Variants in MMS22L observed in about 807,000 individuals in gnomAD.
MMS22L encodes the protein MMS22 like, DNA repair protein.
A neutral mutation model predicts 159.1 loss-of-function variants in MMS22L; 74 were observed. That is an observed-to-expected ratio of 0.47 (90% CI 0.39 to 0.56). MMS22L has a LOEUF of 0.56. Ranked by LOEUF, MMS22L falls within the 20% of genes least tolerant of loss-of-function variation. The pLI, the probability that MMS22L is intolerant of heterozygous loss-of-function variation, is 0.00. For missense variants in MMS22L, 1,351 were observed against 1,422.1 expected (o/e 0.95, Z 0.80); for synonymous variants, 517 against 506.9 (o/e 1.02, Z -0.27).
intron 22 of MMS22L, 101 bp from the exon 23 acceptor site, chr6:97,151,968 T>TA: frequency 2.3e-6 from 2 of 855,732 alleles, no homozygotes; most frequent in African/African-American, 1.7e-5. Context: ...GTTGTTTTCT[T>TA]AAAGTATGTA....
intron 9 of MMS22L, among the ~76,000 whole-genome samples, chr6:97,262,239 T>C (rs1044129665): frequency 6.6e-6 from 1 of 152,158 alleles, no homozygotes; most frequent in African/African-American, 2.4e-5. Context: ...TGAAAATAAA[T>C]TTTTTTACTC....
chr6:97,143,118 T>G lies in MMS22L; in HGVS notation c.*3688A>C, dbSNP rs1440419103. ...ATCATAACCAAATCCAAATGCCTAA[T>G]AAAGTCCTTTCATCACTCTGTTGTC... On this transcript the variant is annotated 3_prime_UTR_variant, in exon 25 of 25. Transcript: ENST00000683635. The G allele has an allele frequency of 6.6e-6, 1 of 152,542 alleles. No individual in the cohort carries two copies. Among genetic ancestry groups the G allele is most frequent in the African/African-American group, 2.4e-5 (1 of 41,468 alleles). The allele number at this position is 152,542 out of a possible 1,614,324, so 9.4% of individuals were successfully genotyped here.
At chr6:97,247,652 A>T (rs1008776419) in intron 10 of MMS22L, among the ~76,000 whole-genome samples, 1 of 152,158 alleles carries the variant, frequency 6.6e-6, no homozygotes, top group Non-Finnish European at 1.5e-5. Flanking sequence ...CAGGAGGTGT[A>T]GGTTGTAGTG....
In MMS22L at chr6:97,229,065, A is replaced by C; in HGVS notation, c.1868T>G (p.Leu623Arg). Reference sequence around the variant, plus strand: ...AACACCATCAATGTATATGGAAAGAAGGGTCCAGATAGTCTGTCTCTGTAC... The same window carrying C: ...AACACCATCAATGTATATGGAAAGACGGGTCCAGATAGTCTGTCTCTGTAC... ...EMVQRQTIWTLLSIYIDGVQE... is the reference protein window; with the variant it reads ...EMVQRQTIWTRLSIYIDGVQE... The change falls in exon 14 of 25, where the codon CTT (leucine) becomes CGT (arginine). Residue 623 changes from leucine to arginine, a missense_variant. Transcript: ENST00000683635. The C allele has an allele frequency of 6.2e-7, 1 of 1,614,206 alleles. No individual in the cohort carries two copies. Among genetic ancestry groups the C allele is most frequent in the Non-Finnish European group, 8.5e-7 (1 of 1,180,024 alleles).
rs376286539 is a variant in MMS22L at position 97,169,359 on chromosome 6, A to G, written c.2840-1119T>C. 5.9e-5 allele frequency among the ~76,000 whole-genome samples: 9 copies of G among 152,150 alleles called. No individual in the cohort carries two copies. In the South Asian group the frequency reaches 1.4e-3, roughly 24 times the overall value. On this transcript the variant is annotated intron_variant, in intron 19 of 24. Transcript: ENST00000683635. Reference sequence around the variant, plus strand: ...ACTATTGAGGTCTCCTTACTGAAAAATGAATTTAAAAACAGATTAAATGCT... The same window carrying G: ...ACTATTGAGGTCTCCTTACTGAAAAGTGAATTTAAAAACAGATTAAATGCT...
At chr6:97,223,980 T>C (rs1809936778) in intron 14 of MMS22L, among the ~76,000 whole-genome samples, 2 of 152,232 alleles carry the variant, frequency 1.3e-5, no homozygotes, top group Non-Finnish European at 1.5e-5. Context: ...CAATATAAGC[T>C]GAACATGATT....
At chr6:97,238,500 G>C (rs1475562159) in intron 11 of MMS22L, among the ~76,000 whole-genome samples, 1 of 151,744 alleles carries the variant, frequency 6.6e-6, no homozygotes, top group Non-Finnish European at 1.5e-5. Flanking sequence ...CCTTAAACCT[G>C]ACTGGCTCAA....
intron 23 of MMS22L, among the ~76,000 whole-genome samples, chr6:97,151,115 C>T (rs1053574072): frequency 6.6e-6 from 1 of 152,144 alleles, no homozygotes; most frequent in African/African-American, 2.4e-5. Context: ...GGTCTGAAGG[C>T]CTGTGTACCT....
chr6:97,200,907 C>T (rs1562451716), intron 14 of MMS22L, among the ~76,000 whole-genome samples: 1 of 152,022 alleles, frequency 6.6e-6, no homozygotes, highest in Non-Finnish European at 1.5e-5. Flanking sequence ...AAGAACAATG[C>T]AAAAGTAGTT....
chr6:97,206,950 C>A (rs537688262), intron 14 of MMS22L, among the ~76,000 whole-genome samples: 1 of 152,076 alleles, frequency 6.6e-6, no homozygotes, highest in Non-Finnish European at 1.5e-5. Context: ...TCTTTCCCAT[C>A]ATTAACTGAA....
chr6:97,199,322 C>T (rs1806881626), intron 14 of MMS22L, among the ~76,000 whole-genome samples: 1 of 152,088 alleles, frequency 6.6e-6, no homozygotes, highest in Admixed American at 6.6e-5. Flanking sequence ...AATAAAGGGT[C>T]TAATGGTAAT....
Position 97,178,429 on chromosome 6 carries a change from TA to T in MMS22L, c.2679+13del. On this transcript the variant is annotated intron_variant, in intron 18 of 24. Coordinates refer to ENST00000683635, the MANE Select transcript of MMS22L (RefSeq NM_001350599.2). Reference sequence around the variant, plus strand: ...TAATTAATCTGGACAATTATACTAATAAATGACAAATACCTCAAAGAATCGA... The same window carrying T: ...TAATTAATCTGGACAATTATACTAATAATGACAAATACCTCAAAGAATCGA... 6.6e-7 allele frequency: 1 copy of T among 1,517,582 alleles called. No individual in the cohort carries two copies. Among genetic ancestry groups the T allele is most frequent in the South Asian group, 1.4e-5 (1 of 72,900 alleles). 94.0% of individuals were successfully genotyped at this position (1,517,582 alleles called of 1,614,324 possible). A position where few individuals can be genotyped will look rare whatever the true frequency, so the allele number is the denominator to read the frequency against.
chr6:97,153,084 C>T (rs1415186040), intron 22 of MMS22L, among the ~76,000 whole-genome samples: 1 of 151,730 alleles, frequency 6.6e-6, no homozygotes, highest in African/African-American at 2.4e-5. Flanking sequence ...TCAAGTGATC[C>T]TCCCACCTTG....
At position 97,168,112 on chromosome 6, in the gene MMS22L, T is replaced by C. The variant is rs781024876; in HGVS notation, c.2968A>G (p.Met990Val). 13 of 1,612,688 alleles carry C rather than the reference T, an allele frequency of 8.1e-6. No individual in the cohort carries two copies. The highest frequency in any genetic ancestry group is 4.0e-5 in the African/African-American group (3 of 74,820). ...AGACTTTTCTGAATTGCTGACAACA[T>C]AGGTGCAGGCAGTTCCTTCTCTTGC... Reference protein sequence around the residue: ...LQQEKELPAPMLSAIQKSLPL... With the variant: ...LQQEKELPAPVLSAIQKSLPL... Residue 990 changes from methionine (M) to valine (V), a missense_variant, in exon 20 of 25, where the codon ATG (methionine) becomes GTG (valine). Physicochemically the swap from Met to Val is conservative, Grantham distance 21. Coordinates refer to ENST00000683635, the MANE Select transcript of MMS22L (RefSeq NM_001350599.2).
At chr6:97,255,640 T>C (rs1813718351) in intron 9 of MMS22L, among the ~76,000 whole-genome samples, 1 of 152,130 alleles carries the variant, frequency 6.6e-6, no homozygotes, top group East Asian at 1.9e-4. Context: ...ATTATAACTT[T>C]TAGCTGTAGT....
At chr6:97,236,496 G>C (rs1347968796) in intron 11 of MMS22L, among the ~76,000 whole-genome samples, 1 of 152,116 alleles carries the variant, frequency 6.6e-6, no homozygotes, top group Non-Finnish European at 1.5e-5. Context: ...ATTCAGTTGT[G>C]GGTGGTGTGG....
At chr6:97,211,101 A>G (rs1410252122) in intron 14 of MMS22L, among the ~76,000 whole-genome samples, 1 of 152,054 alleles carries the variant, frequency 6.6e-6, no homozygotes, top group African/African-American at 2.4e-5. Flanking sequence ...GGGACACAGA[A>G]GCATTCAAAA....
In MMS22L at chr6:97,231,670, A is replaced by C. The variant is rs775703725; in HGVS notation, c.1303-18T>G. The C allele has an allele frequency of 1.3e-6, 2 of 1,532,712 alleles. No homozygotes were observed. The highest frequency in any genetic ancestry group is 1.8e-6 in the Non-Finnish European group (2 of 1,113,806). 94.9% of individuals were successfully genotyped at this position (1,532,712 alleles called of 1,614,324 possible). On this transcript the variant is annotated intron_variant, in intron 12 of 24. Transcript: ENST00000683635. The stretch of plus-strand genomic sequence containing the variant: ...GAACTATTCTAAAAGGGGGGAAAAA[A>C]AAGATAGAAAACAATTATTAGTCTC...
At chr6:97,172,886 AG>A (rs1331726478) in intron 19 of MMS22L, among the ~76,000 whole-genome samples, 176 bp downstream of exon 19, 1 of 152,178 alleles carries the variant, frequency 6.6e-6, no homozygotes, top group Non-Finnish European at 1.5e-5. Context: ...AGATAGAGCA[AG>A]ACAGAGATAC....
Sources: gnomAD v4.1 joint callset for allele counts (sites outside exome capture counted in the v4.1 genomes callset) on GRCh38, gnomAD v4.1.1 for gene constraint, MANE v1.5 for transcripts, NCBI Gene and HGNC (gene_info 2026-07-23, HGNC 2026-07-21) for gene names.